The following NLRP4 variants were observed in gnomAD, a reference collection of about 807,000 sequenced individuals.
The protein encoded by NLRP4 is NLR family pyrin domain containing 4.
In NLRP4, 44 loss-of-function variants were observed where a neutral mutation model predicts 84.7. The ratio of observed to expected loss-of-function variants is 0.52; its 90% CI spans 0.41 to 0.67. NLRP4 has a LOEUF of 0.67. Among genes scored for constraint, NLRP4 ranks in the 30% least tolerant of loss-of-function variants. The pLI is 0.00. For missense variants in NLRP4, 1,260 were observed against 1,219.4 expected, an observed-to-expected ratio of 1.03 and a Z score of -0.50; for synonymous variants, 544 against 476.4, an observed-to-expected ratio of 1.14 and a Z score of -1.85.
intron 2 of NLRP4, 135 bp from the exon 3 acceptor site, chr19:55,857,539 G>A (rs1984488625): frequency 1.5e-6 from 1 of 689,230 alleles, no homozygotes; most frequent in East Asian, 2.6e-5. Flanking sequence ...ATTTACAAGA[G>A]GAGACTGACC....
At chr19:55,841,507 T>C (rs1263591017) in intron 1 of NLRP4, among the ~76,000 whole-genome samples, 1 of 152,226 alleles carries the variant, frequency 6.6e-6, no homozygotes, top group African/African-American at 2.4e-5. Context: ...ATATACCACA[T>C]TTTCTTTATG....
intron 9 of NLRP4, among the ~76,000 whole-genome samples, chr19:55,879,655 C>T (rs1050641580): frequency 1.3e-4 from 20 of 152,126 alleles, no homozygotes; most frequent in African/African-American, 4.8e-4. Context: ...TGCTGGCATT[C>T]CCCCCATGCA....
At chr19:55,870,790 C>T in intron 6 of NLRP4, 37 bp from the exon 7 acceptor site, 3 of 1,529,072 alleles carry the variant, frequency 2.0e-6, no homozygotes, top group Non-Finnish European at 2.7e-6. Flanking sequence ...ACACCACGTC[C>T]CTCTTCACTC....
In NLRP4 at chr19:55,852,335, C is replaced by T. The variant is rs748463471; in HGVS notation, c.255C>T (p.Cys85=). 6 of 1,604,652 alleles carry T rather than the reference C, an allele frequency of 3.7e-6. No homozygotes were observed. Among genetic ancestry groups the T allele is most frequent in the Non-Finnish European group, 5.1e-6 (6 of 1,176,880 alleles). Reference sequence around the variant, plus strand: ...AAAAGATGGATAGAAAGGATCTCTGCATGAAGGTCATGAGGGAGAGAACAG... The same window carrying T: ...AAAAGATGGATAGAAAGGATCTCTGTATGAAGGTCATGAGGGAGAGAACAG... ...IFQKMDRKDL[C]MKVMRERTGY... Residue 85 remains cysteine, a synonymous_variant, in exon 2 of 10, where the codon TGC becomes TGT. Coordinates refer to ENST00000301295, the MANE Select transcript of NLRP4 (RefSeq NM_134444.5).
In NLRP4 at chr19:55,862,022, T is replaced by C. The variant is rs759949268; in HGVS notation, c.2049T>C (p.Ser683=). 1 of 1,613,904 alleles carries C rather than the reference T, an allele frequency of 6.2e-7. No homozygotes were observed. The highest frequency in any genetic ancestry group is 1.1e-5 in the South Asian group (1 of 91,058). The stretch of plus-strand genomic sequence containing the variant: ...ATAACGTTTCCTTTTCTGGCCAGAG[T>C]GTTCTGCTCTTTGAGGTGCTCTTTT... ...GINNVSFSGQ[S]VLLFEVLFYQ... The change falls in exon 5 of 10, where the codon AGT becomes AGC. Residue 683 remains serine, a synonymous_variant. Transcript: ENST00000301295.
rs147162207 is a variant in NLRP4 at position 55,858,028 on chromosome 19, C to T, written c.635C>T (p.Pro212Leu). ...TTGATTTCCAGAGAGTGGCCTGACC[C>T]CGCTGCTCCTATAACAGAGATCGTG... ...ADLISREWPD[P>L]AAPITEIVSQ... Residue 212 changes from proline to leucine, a missense_variant, in exon 3 of 10, where the codon CCC becomes CTC. Physicochemically the swap from Pro to Leu is moderately conservative, Grantham distance 98. This residue lies in a region of NLRP4 where 712 missense variants were observed against 669.2 expected (regional missense o/e 1.06). Transcript: ENST00000301295. This position sits in a 1 kb window ranked among gnomAD's most constrained non-coding sequence, Gnocchi z 4.2. 393 of 1,614,198 alleles carry T rather than the reference C, an allele frequency of 2.4e-4. No homozygotes were observed. In the African/African-American group the frequency reaches 4.6e-3, roughly 19 times the overall value.
chr19:55,839,969 G>T (rs1163131327), intron 1 of NLRP4, among the ~76,000 whole-genome samples: 1 of 152,012 alleles, frequency 6.6e-6, no homozygotes, highest in Non-Finnish European at 1.5e-5. Context: ...AGATTACTTA[G>T]AAGTATGTTT....
intron 1 of NLRP4, among the ~76,000 whole-genome samples, chr19:55,842,118 A>G (rs1983635158): frequency 6.6e-6 from 1 of 152,190 alleles, no homozygotes; most frequent in African/African-American, 2.4e-5. Context: ...TAGCCATTCT[A>G]ACGGGGTGAG....
chr19:55,844,962 C>G (rs144410087), intron 1 of NLRP4, among the ~76,000 whole-genome samples: 1 of 152,174 alleles, frequency 6.6e-6, no homozygotes, highest in Non-Finnish European at 1.5e-5. Context: ...TTTCCCCTCA[C>G]TTTCAGAGGA....
intron 2 of NLRP4, among the ~76,000 whole-genome samples, chr19:55,853,743 TTTTC>T (rs1984264641): frequency 7.4e-6 from 1 of 135,254 alleles, no homozygotes; most frequent in African/African-American, 3.5e-5. Flanking sequence ...CTCTTTTCCT[TTTTC>T]TTTCTCTTTC....
Position 55,861,488 on chromosome 19 carries a change from G to A in NLRP4, c.1959G>A (p.Ser653=), listed in dbSNP as rs776364614. The A allele has an allele frequency of 5.6e-6, 9 of 1,613,998 alleles. No homozygotes were observed. Among genetic ancestry groups the A allele is most frequent in the Admixed American group, 1.7e-5 (1 of 59,980 alleles). ...TGCAGGACAGCACCCTCAGCGAGTCGACCTTTGTGACCTGGTGTAACCAGC... is the reference window on the plus strand; with the variant it reads ...TGCAGGACAGCACCCTCAGCGAGTCAACCTTTGTGACCTGGTGTAACCAGC... ...LQVQDSTLSE[S]TFVTWCNQLR... The change falls in exon 4 of 10, where the codon TCG becomes TCA. Residue 653 remains serine, a synonymous_variant. Coordinates refer to ENST00000301295, the MANE Select transcript of NLRP4 (RefSeq NM_134444.5).
In NLRP4 at chr19:55,845,373, C is replaced by T. The variant is rs773721433; in HGVS notation, c.-65-6643C>T. Among the ~76,000 whole-genome samples the T allele has an allele frequency of 2.0e-3, 298 of 151,516 alleles. 1 individual carries two copies. Among genetic ancestry groups the T allele is most frequent in the Non-Finnish European group, 2.1e-3 (144 of 67,868 alleles). On this transcript the variant is annotated intron_variant, in intron 1 of 9. Coordinates refer to ENST00000301295, the MANE Select transcript of NLRP4 (RefSeq NM_134444.5). Reference sequence around the variant, plus strand: ...ACATGAACTCATCATTTTTTATGGCCGCATAGTATTCCATGGTGTATATGT... The same window carrying T: ...ACATGAACTCATCATTTTTTATGGCTGCATAGTATTCCATGGTGTATATGT...
chr19:55,844,051 A>G (rs1983706797), intron 1 of NLRP4, among the ~76,000 whole-genome samples: 1 of 152,128 alleles, frequency 6.6e-6, no homozygotes, highest in African/African-American at 2.4e-5. Context: ...ATACCACAAA[A>G]CAGACAGCTT....
chr19:55,877,619 C>CG (rs1157689869), intron 8 of NLRP4, among the ~76,000 whole-genome samples: 1 of 152,088 alleles, frequency 6.6e-6, no homozygotes, highest in Non-Finnish European at 1.5e-5. Flanking sequence ...TATCACTTCA[C>CG]GGTTATGGAG....
At chr19:55,850,808 T>TCCGAGGCTGCGGTGTAATTC (rs1984083597) in intron 1 of NLRP4, among the ~76,000 whole-genome samples, 6 of 30,484 alleles carry the variant, frequency 2.0e-4, no homozygotes, top group East Asian at 1.1e-3. Flanking sequence ...CGGTGTAATT[T>TCCGAGGCTGCGGTGTAATTC]CCGAGGCTGC....
intron 1 of NLRP4, among the ~76,000 whole-genome samples, chr19:55,849,497 C>T (rs770671032): frequency 6.6e-6 from 1 of 152,186 alleles, no homozygotes; most frequent in Non-Finnish European, 1.5e-5. Flanking sequence ...AGCAGAGTCC[C>T]TTCCTGATGA....
At chr19:55,841,682 G>A (rs188242849) in intron 1 of NLRP4, among the ~76,000 whole-genome samples, 10 of 152,172 alleles carry the variant, frequency 6.6e-5, no homozygotes, top group African/African-American at 2.4e-4. Context: ...CTAACATGGT[G>A]AAACCCCATC....
intron 1 of NLRP4, among the ~76,000 whole-genome samples, chr19:55,844,485 A>G (rs1983718431): frequency 6.6e-6 from 1 of 152,156 alleles, no homozygotes; most frequent in South Asian, 2.1e-4. Flanking sequence ...CATGTTGGCC[A>G]GGCTGGTCTT....
intron 7 of NLRP4, among the ~76,000 whole-genome samples, chr19:55,875,962 G>A (rs900811053): frequency 1.9e-4 from 29 of 152,110 alleles, no homozygotes; most frequent in African/African-American, 4.3e-4. Flanking sequence ...ACCTGAACCC[G>A]TGAGGCAGAG....
Sources: gnomAD v4.1 joint callset for allele counts (sites outside exome capture counted in the v4.1 genomes callset) on GRCh38, gnomAD v4.1.1 for gene constraint, gnomAD v4.1.1 regional missense constraint, Gnocchi (gnomAD v3.1) non-coding constraint, MANE v1.5 for transcripts, NCBI Gene and HGNC (gene_info 2026-07-23, HGNC 2026-07-21) for gene names.